PCDHGA3: variants seen among roughly 807,000 people sequenced by gnomAD.
PCDHGA3 encodes protocadherin gamma-A3.
A neutral mutation model predicts 58.5 loss-of-function variants in PCDHGA3; 40 were observed. The ratio of observed to expected loss-of-function variants is 0.68; its 90% CI spans 0.53 to 0.89. PCDHGA3 has a LOEUF of 0.89. Among genes scored for constraint, PCDHGA3 ranks in the 40% least tolerant of loss-of-function variants. The pLI is 0.00. For synonymous variants in PCDHGA3, 530 were observed against 525.7 expected, an observed-to-expected ratio of 1.01 and a Z score of -0.11; for missense variants, 1,223 against 1,195.9, an observed-to-expected ratio of 1.02 and a Z score of -0.33.
At chr5:141,454,941 G>A (rs2098807517) in intron 1 of PCDHGA3, among the ~76,000 whole-genome samples, 1 of 150,970 alleles carries the variant, frequency 6.6e-6, no homozygotes, top group Non-Finnish European at 1.5e-5. Flanking sequence ...CCGAGTAGCT[G>A]GGACTACAGG....
chr5:141,417,869 A>C, intron 1 of PCDHGA3: 2 of 1,553,552 alleles, frequency 1.3e-6, no homozygotes, highest in South Asian at 2.4e-5. Context: ...GATGGGAGGG[A>C]GCTGCGCGCA....
intron 1 of PCDHGA3, chr5:141,433,288 G>A (rs2097582001): frequency 5.3e-6 from 6 of 1,136,424 alleles, no homozygotes; most frequent in Non-Finnish European, 7.5e-6. Flanking sequence ...CAAACTCCTA[G>A]GCTCAAGCAA....
chr5:141,366,146 T>C, intron 1 of PCDHGA3: 1 of 1,614,182 alleles, frequency 6.2e-7, no homozygotes, highest in South Asian at 1.1e-5. Flanking sequence ...CTGGCTGTCC[T>C]ACCGCCTGCT....
intron 1 of PCDHGA3, among the ~76,000 whole-genome samples, chr5:141,461,733 C>G (rs930217307): frequency 2.0e-5 from 3 of 152,168 alleles, no homozygotes; most frequent in African/African-American, 2.4e-5. Context: ...TGCAGTGGCA[C>G]AATCCCGGCT....
chr5:141,420,795 A>G (rs1046945975), intron 1 of PCDHGA3, among the ~76,000 whole-genome samples: 1 of 152,260 alleles, frequency 6.6e-6, no homozygotes, highest in Non-Finnish European at 1.5e-5. Flanking sequence ...AAAACTTTTT[A>G]AAAATTAAGC....
At position 141,489,870 on chromosome 5, in the gene PCDHGA3, G is replaced by T; in HGVS notation, c.2425-4937G>T. On this transcript the variant is annotated intron_variant, in intron 1 of 3. Transcript: ENST00000253812. The surrounding 1 kb of genome is among the most constrained non-coding windows in gnomAD (Gnocchi z 4.5). ...GTGAAGCCCAGGCAAGACATCAGCT[G>T]GTGCTTACTGCTGTGGATGGGGGGA... 1.2e-6 allele frequency: 2 copies of T among 1,614,220 alleles called. No individual in the cohort carries two copies. The highest frequency in any genetic ancestry group is 1.7e-6 in the Non-Finnish European group (2 of 1,180,024).
chr5:141,414,280 G>C, intron 1 of PCDHGA3: 5 of 1,613,604 alleles, frequency 3.1e-6, no homozygotes, highest in Non-Finnish European at 4.2e-6. Context: ...TCTGGGAACA[G>C]TCGTAGCCCT....
chr5:141,430,897 C>T, intron 1 of PCDHGA3: 1 of 1,605,442 alleles, frequency 6.2e-7, no homozygotes, highest in Non-Finnish European at 8.5e-7. Context: ...CTAGGGTGGG[C>T]GACATCTCCA....
intron 1 of PCDHGA3, chr5:141,413,000 A>G: frequency 1.7e-6 from 1 of 587,734 alleles, no homozygotes; most frequent in Admixed American, 3.6e-5. Context: ...CCGGATTCTC[A>G]GGGCTTCAAC....
At chr5:141,355,891 A>G in intron 1 of PCDHGA3, 2 of 1,613,550 alleles carry the variant, frequency 1.2e-6, no homozygotes, top group Non-Finnish European at 1.7e-6. Flanking sequence ...GATTCTCATA[A>G]TACTTGTGGA....
Position 141,490,583 on chromosome 5 carries a change from A to G in PCDHGA3, c.2425-4224A>G, listed in dbSNP as rs2099701693. ...ATCAGGCTCAACATTTCAGATGTCAATGACAATGCACCCCGCTTCAACCAG... is the reference window on the plus strand; with the variant it reads ...ATCAGGCTCAACATTTCAGATGTCAGTGACAATGCACCCCGCTTCAACCAG... On this transcript the variant is annotated intron_variant, in intron 1 of 3. Coordinates refer to ENST00000253812, the MANE Select transcript of PCDHGA3 (RefSeq NM_018916.4). This position sits in a 1 kb window ranked among gnomAD's most constrained non-coding sequence, Gnocchi z 5.4. 2.5e-6 allele frequency: 4 copies of G among 1,614,138 alleles called. No homozygotes were observed. Among genetic ancestry groups the G allele is most frequent in the African/African-American group, 1.3e-5 (1 of 75,032 alleles).
intron 1 of PCDHGA3, chr5:141,471,361 C>T (rs1206745378): frequency 6.6e-6 from 1 of 151,976 alleles, no homozygotes; most frequent in Non-Finnish European, 1.5e-5. Context: ...TCCAAGCCCC[C>T]TATTTTTATT....
intron 1 of PCDHGA3, chr5:141,419,828 AC>A (rs1189387492): frequency 6.2e-7 from 1 of 1,614,022 alleles, no homozygotes; most frequent in Non-Finnish European, 8.5e-7. Flanking sequence ...CCTTTCAGCC[AC>A]TGCCACGCTG....
chr5:141,403,315 A>C, intron 1 of PCDHGA3: 1 of 1,613,974 alleles, frequency 6.2e-7, no homozygotes, highest in African/African-American at 1.3e-5. Flanking sequence ...GAATAGAAAT[A>C]GAAGTAACTG....
intron 1 of PCDHGA3, 102 bp downstream of exon 1, chr5:141,346,559 T>C: frequency 6.8e-7 from 1 of 1,479,268 alleles, no homozygotes. Flanking sequence ...CATGAGGTTG[T>C]CATTAGTCCT....
Position 141,364,896 on chromosome 5 carries a change from A to G in PCDHGA3, c.2424+18439A>G, listed in dbSNP as rs1020955411. The G allele has an allele frequency of 9.3e-6, 15 of 1,613,896 alleles. No individual in the cohort carries two copies. In the African/African-American group the frequency reaches 1.7e-4, roughly 19 times the overall value. The stretch of plus-strand genomic sequence containing the variant: ...GATGTGGTAAGCGGAACTGATGGAC[A>G]AAAGTATCCGGAGCTGGTGTTGGAA... On this transcript the variant is annotated intron_variant, in intron 1 of 3. Coordinates refer to ENST00000253812, the MANE Select transcript of PCDHGA3 (RefSeq NM_018916.4).
At chr5:141,502,961 A>G (rs886622146) in intron 2 of PCDHGA3, among the ~76,000 whole-genome samples, 3 of 146,786 alleles carry the variant, frequency 2.0e-5, no homozygotes, top group Non-Finnish European at 4.4e-5. Context: ...CTCCTGCCTC[A>G]GCCTCCCAAG....
chr5:141,491,071 C>T lies in PCDHGA3; in HGVS notation c.2425-3736C>T, dbSNP rs987564933. 1 of 1,614,152 alleles carries T rather than the reference C, an allele frequency of 6.2e-7. No individual in the cohort carries two copies. Among genetic ancestry groups the T allele is most frequent in the Non-Finnish European group, 8.5e-7 (1 of 1,180,028 alleles). ...TGCGTGGCTCTCCTACTCACTGTTGCCACAGTCCACAGCCCCAGGACTGTT... is the reference window on the plus strand; with the variant it reads ...TGCGTGGCTCTCCTACTCACTGTTGTCACAGTCCACAGCCCCAGGACTGTT... On this transcript the variant is annotated intron_variant, in intron 1 of 3. Transcript: ENST00000253812. This position sits in a 1 kb window ranked among gnomAD's most constrained non-coding sequence, Gnocchi z 6.9.
At chr5:141,360,312 G>A in intron 1 of PCDHGA3, 1 of 1,613,976 alleles carries the variant, frequency 6.2e-7, no homozygotes, top group East Asian at 2.2e-5. Flanking sequence ...TCAGCGTCCG[G>A]GACTTGCCAG....
Sources: allele counts gnomAD v4.1 joint callset (sites outside exome capture counted in the v4.1 genomes callset), GRCh38; gene constraint gnomAD v4.1.1; non-coding constraint Gnocchi (gnomAD v3.1); transcripts MANE v1.5; gene names NCBI Gene and HGNC (gene_info 2026-07-23, HGNC 2026-07-21).